Variants in DGKB observed in about 807,000 individuals in gnomAD.
The protein encoded by DGKB is 90 kDa diacylglycerol kinase.
DGKB carries 67 observed loss-of-function variants against 114.3 expected under a neutral mutation model. The observed-to-expected ratio is 0.59, with a 90% confidence interval of 0.48 to 0.72. The LOEUF is 0.72. Among genes scored for constraint, DGKB ranks in the 30% least tolerant of loss-of-function variants. The pLI, the probability that DGKB is intolerant of heterozygous loss-of-function variation, is 0.00. For synonymous variants in DGKB, 398 were observed against 323.1 expected (o/e 1.23, Z -2.49); for missense variants, 907 against 975.2 (o/e 0.93, Z 0.93).
At chr7:14,640,588 C>T (rs959006263) in intron 13 of DGKB, among the ~76,000 whole-genome samples, 4 of 151,980 alleles carry the variant, frequency 2.6e-5, no homozygotes, top group Admixed American at 6.6e-5. Flanking sequence ...ATGGAAAGCT[C>T]GAGAACTATC....
chr7:14,811,244 G>A (rs767313901), intron 2 of DGKB, among the ~76,000 whole-genome samples: 14 of 152,044 alleles, frequency 9.2e-5, no homozygotes, highest in Non-Finnish European at 1.5e-4. Context: ...GTCTTGCTAC[G>A]TCACCTAGGC....
intron 23 of DGKB, among the ~76,000 whole-genome samples, chr7:14,309,017 A>G (rs2128501992): frequency 6.6e-6 from 1 of 152,208 alleles, no homozygotes; most frequent in African/African-American, 2.4e-5. Flanking sequence ...GGAGTTCCAG[A>G]CCAGCCTCGG....
intron 20 of DGKB, among the ~76,000 whole-genome samples, chr7:14,479,511 G>A (rs1279618591): frequency 6.6e-6 from 1 of 151,956 alleles, no homozygotes; most frequent in Non-Finnish European, 1.5e-5. Context: ...TATAATAAAG[G>A]TTACAAAAAT....
rs1785335668 is a variant in DGKB, at chr7:14,198,446, A to G, written c.2123-20295T>C. Among the ~76,000 whole-genome samples the G allele has an allele frequency of 6.6e-5, 10 of 152,134 alleles. No individual in the cohort carries two copies. The South Asian group carries it at 2.1e-3, about 32-fold the overall frequency. On this transcript the variant is annotated intron_variant, in intron 23 of 25. Coordinates refer to ENST00000402815, the MANE Select transcript of DGKB (RefSeq NM_001350709.2). ...CACAGCAACAGCAGTCACCAGTCTT[A>G]ACATCTAAATCAGTCCCCCAAACCC...
chr7:14,518,354 T>C (rs1281720660), intron 20 of DGKB, among the ~76,000 whole-genome samples: 1 of 152,012 alleles, frequency 6.6e-6, no homozygotes, highest in African/African-American at 2.4e-5. Context: ...AAACTACCTA[T>C]TGGGTACTGT....
chr7:14,414,728 G>A (rs764644949), intron 21 of DGKB, among the ~76,000 whole-genome samples: 201 of 152,182 alleles, frequency 1.3e-3, no homozygotes, highest in Non-Finnish European at 2.4e-3. Flanking sequence ...CTGTGTAAGT[G>A]AGAATAAAAG....
intron 1 of DGKB, among the ~76,000 whole-genome samples, chr7:14,934,562 A>C (rs1785182685): frequency 6.6e-6 from 1 of 152,094 alleles, no homozygotes; most frequent in Admixed American, 6.6e-5. Flanking sequence ...AGAAGAGACA[A>C]GCAACAAGAA....
At chr7:14,448,521 A>C (rs2128831280) in intron 21 of DGKB, among the ~76,000 whole-genome samples, 1 of 152,270 alleles carries the variant, frequency 6.6e-6, no homozygotes, top group East Asian at 1.9e-4. Flanking sequence ...TGTCTGGCTA[A>C]GAATTCTGAA....
At chr7:14,862,428 C>T (rs112212846) in intron 1 of DGKB, among the ~76,000 whole-genome samples, 2,924 of 152,056 alleles carry the variant, frequency 0.019, 99 homozygotes, top group African/African-American at 0.067. Flanking sequence ...TTCTCTATAA[C>T]CTAAGTACAT....
At chr7:14,282,984 T>C (rs972275718) in intron 23 of DGKB, among the ~76,000 whole-genome samples, 1 of 151,878 alleles carries the variant, frequency 6.6e-6, no homozygotes, top group African/African-American at 2.4e-5. Context: ...ACCACTCCTA[T>C]TCAACATAGT....
intron 21 of DGKB, among the ~76,000 whole-genome samples, chr7:14,370,094 T>C (rs951134394): frequency 3.3e-5 from 5 of 152,190 alleles, no homozygotes; most frequent in African/African-American, 1.2e-4. Context: ...TATGTTTAAG[T>C]CTTTAATCCA....
At chr7:14,261,557 C>T (rs1031958856) in intron 23 of DGKB, among the ~76,000 whole-genome samples, 1 of 152,004 alleles carries the variant, frequency 6.6e-6, no homozygotes, top group Non-Finnish European at 1.5e-5. Flanking sequence ...ACTTGATATC[C>T]TCAATTAGGG....
Position 14,349,733 on chromosome 7 carries a change from A to G in DGKB, c.1836-4342T>C, listed in dbSNP as rs1813113846. Among the ~76,000 whole-genome samples, 10 of 152,272 alleles carry G rather than the reference A, an allele frequency of 6.6e-5. No homozygotes were observed. In the South Asian group the frequency reaches 2.1e-3, roughly 32 times the overall value. Reference sequence around the variant, plus strand: ...AGGCTGTTAAATTTTATTTTTTTCAACCAAACTGGTTTTAGGTTGTAGAAA... The same window carrying G: ...AGGCTGTTAAATTTTATTTTTTTCAGCCAAACTGGTTTTAGGTTGTAGAAA... On this transcript the variant is annotated intron_variant, in intron 21 of 25. Coordinates refer to ENST00000402815, the MANE Select transcript of DGKB (RefSeq NM_001350709.2).
chr7:14,948,800 C>T (rs1786017770), intron 1 of DGKB, among the ~76,000 whole-genome samples: 1 of 151,838 alleles, frequency 6.6e-6, no homozygotes, highest in Admixed American at 6.6e-5. Flanking sequence ...AAGTTAATAT[C>T]AGACTTCTCA....
chr7:14,233,608 C>T (rs922167005), intron 23 of DGKB, among the ~76,000 whole-genome samples: 1 of 151,976 alleles, frequency 6.6e-6, no homozygotes, highest in African/African-American at 2.4e-5. Flanking sequence ...AATGATTTTT[C>T]TACACACTTC....
intron 23 of DGKB, among the ~76,000 whole-genome samples, chr7:14,192,522 G>T (rs1009099690): frequency 1.3e-5 from 2 of 151,848 alleles, no homozygotes; most frequent in African/African-American, 4.8e-5. Context: ...TTTTTAAATG[G>T]TCATAGTACC....
chr7:14,890,367 T>G (rs1562824613), intron 1 of DGKB, among the ~76,000 whole-genome samples: 1 of 151,514 alleles, frequency 6.6e-6, no homozygotes, highest in East Asian at 1.9e-4. Flanking sequence ...AGTATACTAC[T>G]ATGGATAAAT....
intron 23 of DGKB, among the ~76,000 whole-genome samples, chr7:14,323,313 C>A (rs1016804): frequency 6.6e-6 from 1 of 151,740 alleles, no homozygotes; most frequent in Non-Finnish European, 1.5e-5. Flanking sequence ...TGGTGTTGGC[C>A]GTGTTCTATT....
intron 12 of DGKB, among the ~76,000 whole-genome samples, chr7:14,679,778 C>T (rs1431381786): frequency 6.6e-6 from 1 of 151,924 alleles, no homozygotes; most frequent in Non-Finnish European, 1.5e-5. Flanking sequence ...AAGAGCAGAT[C>T]AATTTTATGC....
Sources: gnomAD v4.1 joint callset for allele counts (sites outside exome capture counted in the v4.1 genomes callset) on GRCh38, gnomAD v4.1.1 for gene constraint, MANE v1.5 for transcripts, NCBI Gene and HGNC (gene_info 2026-07-23, HGNC 2026-07-21) for gene names.